TAFA4: variants seen among roughly 807,000 people sequenced by gnomAD.
The protein encoded by TAFA4 is chemokine-like protein TAFA-4.
TAFA4 carries 20 observed loss-of-function variants against 21.1 expected under a neutral mutation model. The observed-to-expected ratio is 0.95, with a 90% CI of 0.67 to 1.38. The LOEUF is 1.38. Among genes scored for constraint, TAFA4 ranks in the 40% most tolerant of loss-of-function variants. The pLI is 0.00. For synonymous variants in TAFA4, 71 were observed against 67.4 expected (o/e 1.05, Z -0.26); for missense variants, 211 against 180.9 (o/e 1.17, Z -0.95).
At chr3:68,891,322 A>G (rs187322110) in intron 1 of TAFA4, among the ~76,000 whole-genome samples, 117 of 152,350 alleles carry the variant, frequency 7.7e-4, no homozygotes, top group Admixed American at 1.1e-3. Context: ...TCTGCTTAAT[A>G]ACAAACAAAT....
chr3:68,850,126 G>A (rs1390546982), intron 3 of TAFA4, among the ~76,000 whole-genome samples: 6 of 152,082 alleles, frequency 3.9e-5, no homozygotes, highest in South Asian at 2.1e-4. Flanking sequence ...ACTACCTGAC[G>A]CACAAAGCGC....
intron 3 of TAFA4, among the ~76,000 whole-genome samples, chr3:68,840,977 A>G (rs193187332): frequency 3.3e-5 from 5 of 152,278 alleles, no homozygotes; most frequent in African/African-American, 1.2e-4. Context: ...ATAGCACTAT[A>G]ATCTGTGCAA....
intron 3 of TAFA4, among the ~76,000 whole-genome samples, chr3:68,811,877 T>G (rs1575619447): frequency 6.6e-6 from 1 of 152,068 alleles, no homozygotes; most frequent in Admixed American, 6.6e-5. Context: ...AATTGTCAGA[T>G]TCACCAAAGT....
intron 1 of TAFA4, among the ~76,000 whole-genome samples, chr3:68,918,941 A>G (rs949767252): frequency 1.3e-5 from 2 of 152,202 alleles, no homozygotes; most frequent in Admixed American, 1.3e-4. Flanking sequence ...ATACACAGAC[A>G]TATACAGCAT....
intron 3 of TAFA4, among the ~76,000 whole-genome samples, chr3:68,775,936 A>G (rs1185363413): frequency 6.6e-6 from 1 of 152,188 alleles, no homozygotes; most frequent in Non-Finnish European, 1.5e-5. Context: ...AGAAAAAATG[A>G]CCCAGAAGAC....
At chr3:68,748,279 T>C (rs1702496668) in intron 4 of TAFA4, among the ~76,000 whole-genome samples, 1 of 152,190 alleles carries the variant, frequency 6.6e-6, no homozygotes, top group African/African-American at 2.4e-5. Context: ...ATCCTCTCTG[T>C]CATTCATGTG....
chr3:68,810,693 G>GCCCACC (rs1559528692), intron 3 of TAFA4, among the ~76,000 whole-genome samples: 1 of 152,202 alleles, frequency 6.6e-6, no homozygotes, highest in Admixed American at 6.5e-5. Flanking sequence ...ACTGGGTGGA[G>GCCCACC]CCCACCGCAG....
intron 4 of TAFA4, among the ~76,000 whole-genome samples, chr3:68,751,618 T>C (rs1282480552): frequency 6.6e-6 from 1 of 152,226 alleles, no homozygotes; most frequent in African/African-American, 2.4e-5. Context: ...CCTTTATCAA[T>C]AATCCCCAAA....
chr3:68,797,612 C>CA (rs71112671), intron 3 of TAFA4, among the ~76,000 whole-genome samples: 6,640 of 75,618 alleles, frequency 0.088, 352 homozygotes, highest in Non-Finnish European at 0.11. Context: ...GACTCCATCT[C>CA]AAAAAAAAAA....
chr3:68,800,418 C>T (rs1398302698), intron 3 of TAFA4, among the ~76,000 whole-genome samples: 2 of 152,160 alleles, frequency 1.3e-5, no homozygotes, highest in Admixed American at 6.5e-5. Context: ...TGACCCTGAA[C>T]CCCAGTGAGC....
intron 1 of TAFA4, among the ~76,000 whole-genome samples, chr3:68,928,431 T>C (rs1056099316): frequency 1.3e-4 from 20 of 152,234 alleles, no homozygotes; most frequent in Admixed American, 1.2e-3. Context: ...ACTTAATAGA[T>C]TGATATTCTG....
chr3:68,860,194 T>A, intron 3 of TAFA4, among the ~76,000 whole-genome samples: 1 of 152,154 alleles, frequency 6.6e-6, no homozygotes, highest in Admixed American at 6.5e-5. Context: ...GTGTCATTAG[T>A]GTATCAATTT....
chr3:68,810,161 G>C (rs1703800939), intron 3 of TAFA4, among the ~76,000 whole-genome samples: 1 of 152,138 alleles, frequency 6.6e-6, no homozygotes, highest in Non-Finnish European at 1.5e-5. Context: ...CATTGCTTTG[G>C]GTAATGTGGA....
chr3:68,852,960 A>T (rs1189633684), intron 3 of TAFA4, among the ~76,000 whole-genome samples: 3 of 152,182 alleles, frequency 2.0e-5, no homozygotes, highest in Admixed American at 1.3e-4. Flanking sequence ...TTAAAATCTT[A>T]CATGTTTCCC....
intron 3 of TAFA4, among the ~76,000 whole-genome samples, chr3:68,807,311 T>C (rs1230797547): frequency 6.6e-6 from 1 of 152,242 alleles, no homozygotes; most frequent in South Asian, 2.1e-4. Flanking sequence ...TGATAGTTCA[T>C]GTCTGTCTAT....
At chr3:68,821,082 C>A (rs1340891212) in intron 3 of TAFA4, among the ~76,000 whole-genome samples, 1 of 152,162 alleles carries the variant, frequency 6.6e-6, no homozygotes, top group African/African-American at 2.4e-5. Flanking sequence ...TGTGTTTTAA[C>A]AGCCAATACT....
intron 3 of TAFA4, among the ~76,000 whole-genome samples, chr3:68,785,052 G>T (rs1476860151): frequency 6.6e-6 from 1 of 151,716 alleles, no homozygotes; most frequent in African/African-American, 2.4e-5. Flanking sequence ...TAGACATAAA[G>T]GTTCTCCAAG....
At chr3:68,807,818 C>T (rs1024865622) in intron 3 of TAFA4, among the ~76,000 whole-genome samples, 1 of 151,898 alleles carries the variant, frequency 6.6e-6, no homozygotes, top group Admixed American at 6.6e-5. Context: ...ACCTAACACA[C>T]CTTTGCTGAG....
intron 1 of TAFA4, among the ~76,000 whole-genome samples, chr3:68,909,927 A>C (rs892375262): frequency 6.6e-6 from 1 of 152,080 alleles, no homozygotes; most frequent in African/African-American, 2.4e-5. Flanking sequence ...TTGGGGGAGG[A>C]AGACTTCCAT....
Sources: allele counts gnomAD v4.1 joint callset (sites outside exome capture counted in the v4.1 genomes callset), GRCh38; gene constraint gnomAD v4.1.1; transcripts MANE v1.5; gene names NCBI Gene and HGNC (gene_info 2026-07-23, HGNC 2026-07-21).